ZNF804A: variants seen among roughly 807,000 people sequenced by gnomAD.
ZNF804A encodes zinc finger protein 804A.
A neutral mutation model predicts 16.5 loss-of-function variants in ZNF804A; 2 were observed. That is an observed-to-expected ratio of 0.12 (90% CI 0.05 to 0.38). The LOEUF is 0.38. ZNF804A is among the 10% of genes least tolerant of loss of function. The probability of loss-of-function intolerance (pLI) is 0.99; values close to 1 mark genes in which losing one functional copy is unlikely to be tolerated. For missense variants in ZNF804A, 1,473 were observed against 1,390.7 expected (o/e 1.06, Z -0.94); for synonymous variants, 534 against 489.6 (o/e 1.09, Z -1.20).
At chr2:184,906,059 T>C (rs1362190559) in intron 2 of ZNF804A, among the ~76,000 whole-genome samples, 1 of 152,198 alleles carries the variant, frequency 6.6e-6, no homozygotes, top group African/African-American at 2.4e-5. Flanking sequence ...TTTTAACTTT[T>C]AAAAGTGTAT....
intron 2 of ZNF804A, among the ~76,000 whole-genome samples, chr2:184,917,211 A>C (rs555519605): frequency 1.3e-5 from 2 of 152,258 alleles, no homozygotes; most frequent in African/African-American, 4.8e-5. Context: ...CCTTTAACCC[A>C]AAATTAATCT....
intron 1 of ZNF804A, among the ~76,000 whole-genome samples, chr2:184,800,643 T>A (rs1200106523): frequency 6.6e-6 from 1 of 151,716 alleles, no homozygotes; most frequent in African/African-American, 2.4e-5. Flanking sequence ...ATTGTACAAT[T>A]TTTTTATTTT....
At chr2:184,879,864 A>G (rs1252638332) in intron 2 of ZNF804A, among the ~76,000 whole-genome samples, 1 of 152,058 alleles carries the variant, frequency 6.6e-6, no homozygotes, top group Admixed American at 6.6e-5. Flanking sequence ...ACAGACAACT[A>G]TTCACTATGT....
At chr2:184,914,523 C>G (rs1339837058) in intron 2 of ZNF804A, among the ~76,000 whole-genome samples, 2 of 152,128 alleles carry the variant, frequency 1.3e-5, no homozygotes, top group Non-Finnish European at 1.5e-5. Flanking sequence ...ACATAACTTA[C>G]AAATCTTAAG....
At chr2:184,644,326 T>A (rs1405914312) in intron 1 of ZNF804A, among the ~76,000 whole-genome samples, 1 of 151,804 alleles carries the variant, frequency 6.6e-6, no homozygotes, top group East Asian at 1.9e-4. Flanking sequence ...ATAGTATTTA[T>A]AACCCATGCA....
chr2:184,658,659 C>T (rs1288778254), intron 1 of ZNF804A, among the ~76,000 whole-genome samples: 1 of 152,182 alleles, frequency 6.6e-6, no homozygotes, highest in South Asian at 2.1e-4. Flanking sequence ...ACTAACCTGA[C>T]ATTTGGCTGC....
chr2:184,640,579 T>C (rs1422856702), intron 1 of ZNF804A, among the ~76,000 whole-genome samples: 1 of 152,100 alleles, frequency 6.6e-6, no homozygotes, highest in Non-Finnish European at 1.5e-5. Flanking sequence ...CTTATTAACA[T>C]AGATACTAAC....
At chr2:184,796,355 T>A (rs1166417072) in intron 1 of ZNF804A, among the ~76,000 whole-genome samples, 2 of 150,794 alleles carry the variant, frequency 1.3e-5, no homozygotes, top group Non-Finnish European at 3.0e-5. Flanking sequence ...CCTGGAATTT[T>A]GTTGTTGTTG....
intron 2 of ZNF804A, among the ~76,000 whole-genome samples, chr2:184,890,696 AAC>A (rs1684967588): frequency 6.6e-6 from 1 of 151,868 alleles, no homozygotes; most frequent in South Asian, 2.1e-4. Context: ...ATTAAAATAT[AAC>A]AGTCCTTGAG....
chr2:184,733,168 T>C (rs999877503), intron 1 of ZNF804A, among the ~76,000 whole-genome samples: 2 of 152,174 alleles, frequency 1.3e-5, no homozygotes. Context: ...AGATTTATTG[T>C]GGATATTCTT....
intron 2 of ZNF804A, among the ~76,000 whole-genome samples, chr2:184,877,486 C>T (rs1684727282): frequency 6.6e-6 from 1 of 151,802 alleles, no homozygotes; most frequent in African/African-American, 2.4e-5. Context: ...AGAACCAAAC[C>T]TTAAATTATC....
At chr2:184,818,249 A>T (rs1695014050) in intron 1 of ZNF804A, among the ~76,000 whole-genome samples, 1 of 152,064 alleles carries the variant, frequency 6.6e-6, no homozygotes, top group African/African-American at 2.4e-5. Flanking sequence ...CTGGGGGCTA[A>T]TATTCAATAT....
intron 1 of ZNF804A, among the ~76,000 whole-genome samples, chr2:184,818,648 C>T (rs1218418392): frequency 2.0e-5 from 3 of 151,684 alleles, no homozygotes; most frequent in Non-Finnish European, 4.4e-5. Context: ...GATATGCTGT[C>T]CTCAATAGAT....
At chr2:184,699,985 A>T (rs942479690) in intron 1 of ZNF804A, among the ~76,000 whole-genome samples, 3 of 152,112 alleles carry the variant, frequency 2.0e-5, no homozygotes, top group African/African-American at 7.2e-5. Flanking sequence ...CTCTAAGAGC[A>T]GTGCAAGAGA....
chr2:184,640,717 A>G (rs1219085055), intron 1 of ZNF804A, among the ~76,000 whole-genome samples: 1 of 152,188 alleles, frequency 6.6e-6, no homozygotes, highest in East Asian at 1.9e-4. Context: ...ATTATATTAG[A>G]ATAAAAGATA....
At chr2:184,757,991 T>C (rs1006656042) in intron 1 of ZNF804A, among the ~76,000 whole-genome samples, 2 of 152,026 alleles carry the variant, frequency 1.3e-5, no homozygotes, top group African/African-American at 4.8e-5. Flanking sequence ...GTTTTATTGA[T>C]GGGCTCTTTC....
chr2:184,768,077 AC>A (rs1362867443), intron 1 of ZNF804A, among the ~76,000 whole-genome samples: 1 of 152,110 alleles, frequency 6.6e-6, no homozygotes, highest in Non-Finnish European at 1.5e-5. Context: ...AGCAGATTCA[AC>A]CAACCCGGAT....
intron 1 of ZNF804A, among the ~76,000 whole-genome samples, chr2:184,804,798 T>C (rs187270977): frequency 1.3e-5 from 2 of 152,288 alleles, no homozygotes; most frequent in East Asian, 3.9e-4. Flanking sequence ...GTGAGTTATA[T>C]CAAGTGCGTT....
At chr2:184,647,014 C>T (rs1306714322) in intron 1 of ZNF804A, among the ~76,000 whole-genome samples, 1 of 152,188 alleles carries the variant, frequency 6.6e-6, no homozygotes, top group African/African-American at 2.4e-5. Context: ...AGTGTACACC[C>T]AGCCATGTTT....
Sources: allele counts gnomAD v4.1 joint callset (sites outside exome capture counted in the v4.1 genomes callset), GRCh38; gene constraint gnomAD v4.1.1; transcripts MANE v1.5; gene names NCBI Gene and HGNC (gene_info 2026-07-23, HGNC 2026-07-21).